AP3B1: variants seen among roughly 807,000 people sequenced by gnomAD.
The protein encoded by AP3B1 is AP-3 complex subunit beta-1.
In AP3B1, 61 loss-of-function variants were observed where a neutral mutation model predicts 132.5. That is an observed-to-expected ratio of 0.46 (90% CI 0.37 to 0.57). The LOEUF is 0.57. Among genes scored for constraint, AP3B1 ranks in the 20% least tolerant of loss-of-function variants. AP3B1 has a pLI of 0.00. For missense variants in AP3B1, 1,120 were observed against 1,289.4 expected, an observed-to-expected ratio of 0.87 and a Z score of 2.01; for synonymous variants, 388 against 438.3, an observed-to-expected ratio of 0.89 and a Z score of 1.43.
At chr5:78,274,983 A>T (rs926407703) in intron 1 of AP3B1, among the ~76,000 whole-genome samples, 6 of 152,186 alleles carry the variant, frequency 3.9e-5, no homozygotes, top group African/African-American at 1.4e-4. Flanking sequence ...AAAGGGCCAG[A>T]AAGTAAATAT....
chr5:78,049,428 C>T (rs1028655589), intron 22 of AP3B1, among the ~76,000 whole-genome samples: 1 of 152,188 alleles, frequency 6.6e-6, no homozygotes, highest in Non-Finnish European at 1.5e-5. Flanking sequence ...CAGCCCTGTG[C>T]TAAGGAGTAT....
chr5:78,116,917 C>A (rs956233543), intron 17 of AP3B1, among the ~76,000 whole-genome samples: 4 of 152,106 alleles, frequency 2.6e-5, no homozygotes, highest in African/African-American at 9.7e-5. Context: ...GCCTGAAACC[C>A]TGCAGTGGCT....
At chr5:78,158,657 C>G (rs1743253940) in intron 13 of AP3B1, among the ~76,000 whole-genome samples, 1 of 151,688 alleles carries the variant, frequency 6.6e-6, no homozygotes, top group African/African-American at 2.4e-5. Context: ...CTAGGATGTA[C>G]ATTCTATCTA....
chr5:78,179,492 T>A (rs1458969775), intron 8 of AP3B1, among the ~76,000 whole-genome samples: 1 of 152,164 alleles, frequency 6.6e-6, no homozygotes, highest in African/African-American at 2.4e-5. Flanking sequence ...ATAGGCTAAT[T>A]TGTAAACGCC....
Position 78,216,244 on chromosome 5 carries a change from A to G in AP3B1, c.604-7T>C. 6.2e-7 allele frequency: 1 copy of G among 1,613,196 alleles called. No homozygotes were observed. Among genetic ancestry groups the G allele is most frequent in the Non-Finnish European group, 8.5e-7 (1 of 1,179,506 alleles). On this transcript the variant is annotated splice_region_variant and splice_polypyrimidine_tract_variant and intron_variant, in intron 6 of 26. Coordinates refer to ENST00000255194, the MANE Select transcript of AP3B1 (RefSeq NM_003664.5). ...CAACACTGCCAGCTACCAACTAGAA[A>G]AGAAAGAAATAGTAACTTATTAAAA...
intron 26 of AP3B1, among the ~76,000 whole-genome samples, chr5:78,014,954 G>C (rs937327916): frequency 6.6e-6 from 1 of 152,112 alleles, no homozygotes; most frequent in Non-Finnish European, 1.5e-5. Flanking sequence ...TCATCTAGCA[G>C]CTCTTTATTT....
At chr5:78,031,966 G>A (rs890047321) in intron 24 of AP3B1, among the ~76,000 whole-genome samples, 3 of 152,172 alleles carry the variant, frequency 2.0e-5, no homozygotes, top group African/African-American at 4.8e-5. Flanking sequence ...TGTGGGGGAT[G>A]AGGATCTGTT....
rs564198213 is a variant in AP3B1, at chr5:78,220,324, AAAC to A, written c.604-4090_604-4088del. The stretch of plus-strand genomic sequence containing the variant: ...TCTCCCAACCCAAATCCAAAAAAAA[AAAC>A]AACAAGGGACCAAAACCCATGCTTT... On this transcript the variant is annotated intron_variant, in intron 6 of 26. Transcript: ENST00000255194. Among the ~76,000 whole-genome samples, 164 of 152,012 alleles carry A rather than the reference AAAC, an allele frequency of 1.1e-3. 1 individual carries two copies. Among genetic ancestry groups the A allele is most frequent in the African/African-American group, 3.8e-3 (156 of 41,528 alleles).
intron 1 of AP3B1, among the ~76,000 whole-genome samples, chr5:78,276,036 A>G (rs1055020950): frequency 2.0e-5 from 3 of 152,094 alleles, no homozygotes; most frequent in Admixed American, 6.6e-5. Context: ...TACTTAAAAA[A>G]TAAAATAAAA....
intron 21 of AP3B1, among the ~76,000 whole-genome samples, chr5:78,096,839 G>A (rs1475482198): frequency 6.7e-6 from 1 of 150,248 alleles, no homozygotes; most frequent in African/African-American, 2.5e-5. Flanking sequence ...GGGAGGGAGG[G>A]GGGGCTCAGC....
chr5:78,117,010 C>T (rs1751868923), intron 17 of AP3B1, among the ~76,000 whole-genome samples: 1 of 152,108 alleles, frequency 6.6e-6, no homozygotes, highest in African/African-American at 2.4e-5. Context: ...GACTGCCCCT[C>T]CACAACTGTC....
chr5:78,144,943 C>T (rs1753320205), intron 14 of AP3B1, among the ~76,000 whole-genome samples: 2 of 152,078 alleles, frequency 1.3e-5, no homozygotes, highest in Admixed American at 1.3e-4. Context: ...AAGCAATCCT[C>T]CCGCCTCAGC....
intron 22 of AP3B1, among the ~76,000 whole-genome samples, chr5:78,041,384 C>T (rs1403112405): frequency 6.6e-6 from 1 of 151,664 alleles, no homozygotes. Flanking sequence ...ATGGTGAGAT[C>T]CTGTCTCTAG....
At chr5:78,008,112 C>A (rs548951629) in intron 26 of AP3B1, among the ~76,000 whole-genome samples, 7 of 152,188 alleles carry the variant, frequency 4.6e-5, no homozygotes, top group Admixed American at 4.6e-4. Flanking sequence ...AATCTAAGTG[C>A]CCTTGCTTAA....
chr5:78,078,977 T>C (rs1749874284), intron 22 of AP3B1, among the ~76,000 whole-genome samples: 1 of 152,218 alleles, frequency 6.6e-6, no homozygotes. Context: ...ATTTCAGATA[T>C]GAAAGCTCTT....
chr5:78,156,240 C>G lies in AP3B1; in HGVS notation c.1473+18G>C. 6.5e-7 allele frequency: 1 copy of G among 1,547,558 alleles called. No individual in the cohort carries two copies. ...TTACTGAATAAAATTCAGCAAACAT[C>G]TCTTAATTGATACTCACAGTGATAC... On this transcript the variant is annotated intron_variant, in intron 14 of 26. Coordinates refer to ENST00000255194, the MANE Select transcript of AP3B1 (RefSeq NM_003664.5).
At chr5:78,014,420 C>T (rs1289932934) in intron 26 of AP3B1, among the ~76,000 whole-genome samples, 2 of 152,200 alleles carry the variant, frequency 1.3e-5, no homozygotes, top group Middle Eastern at 3.4e-3. Flanking sequence ...CATTTCCAAA[C>T]ACATAAGGAA....
intron 7 of AP3B1, among the ~76,000 whole-genome samples, chr5:78,207,375 T>G (rs1745552783): frequency 6.6e-6 from 1 of 151,810 alleles, no homozygotes; most frequent in Non-Finnish European, 1.5e-5. Flanking sequence ...TGCAATGAAC[T>G]GTAATCACAC....
rs79644760 is a variant in AP3B1, at chr5:78,145,097, T to C, written c.1474-3778A>G. Among the ~76,000 whole-genome samples, 381 of 152,344 alleles carry C rather than the reference T, an allele frequency of 2.5e-3. 2 individuals carry two copies. Among genetic ancestry groups the C allele is most frequent in the East Asian group, 8.3e-3 (43 of 5,184 alleles). ...AATACTCACAATCAGAACATGTAAGTTGACTGTATTACAGACATAAATCTA... is the reference window on the plus strand; with the variant it reads ...AATACTCACAATCAGAACATGTAAGCTGACTGTATTACAGACATAAATCTA... On this transcript the variant is annotated intron_variant, in intron 14 of 26. Coordinates refer to ENST00000255194, the MANE Select transcript of AP3B1 (RefSeq NM_003664.5).
Sources: gnomAD v4.1 joint callset for allele counts (sites outside exome capture counted in the v4.1 genomes callset) on GRCh38, gnomAD v4.1.1 for gene constraint, MANE v1.5 for transcripts, NCBI Gene and HGNC (gene_info 2026-07-23, HGNC 2026-07-21) for gene names.